H6PD: variants seen among roughly 807,000 people sequenced by gnomAD.
H6PD encodes hexose-6-phosphate dehydrogenase/glucose 1-dehydrogenase.
In H6PD, 48 loss-of-function variants were observed where a neutral mutation model predicts 61.2. The observed-to-expected ratio is 0.78, with a 90% CI of 0.62 to 1.00. H6PD has a LOEUF of 1.00. Among genes scored for constraint, H6PD ranks in the 50% least tolerant of loss-of-function variants. H6PD has a pLI of 0.00. For synonymous variants in H6PD, 480 were observed against 457.9 expected, an observed-to-expected ratio of 1.05 and a Z score of -0.62; for missense variants, 1,093 against 1,065.0, an observed-to-expected ratio of 1.03 and a Z score of -0.37.
At chr1:9,256,280 CA>C in intron 3 of H6PD, among the ~76,000 whole-genome samples, 1 of 152,286 alleles carries the variant, frequency 6.6e-6, no homozygotes, top group Middle Eastern at 3.4e-3. Flanking sequence ...CAGTGGAGAC[CA>C]CTCTTGGCAT....
chr1:9,256,536 G>A (rs1373876664), intron 3 of H6PD, among the ~76,000 whole-genome samples: 1 of 152,196 alleles, frequency 6.6e-6, no homozygotes, highest in Non-Finnish European at 1.5e-5. Context: ...TGGTTGGCCC[G>A]AGAGTGCACA....
chr1:9,237,559 G>A (rs1475574936), intron 1 of H6PD, among the ~76,000 whole-genome samples: 1 of 152,126 alleles, frequency 6.6e-6, no homozygotes, highest in Non-Finnish European at 1.5e-5. Flanking sequence ...CTTTGCCTTA[G>A]TTTCCTCTCT....
chr1:9,253,449 G>A (rs189514128), intron 3 of H6PD, among the ~76,000 whole-genome samples: 7 of 152,316 alleles, frequency 4.6e-5, no homozygotes, highest in Admixed American at 3.3e-4. Context: ...CTTTAAGTAT[G>A]CTGTTGACAT....
Position 9,264,019 on chromosome 1 carries a change from G to A in H6PD, c.1526G>A (p.Arg509His), listed in dbSNP as rs142705829. The change falls in exon 5 of 5, where the codon CGT (arginine) becomes CAT (histidine). Residue 509 changes from arginine to histidine, a missense_variant. Coordinates refer to ENST00000377403, the MANE Select transcript of H6PD (RefSeq NM_004285.4). ...RLYPGGAENGRLLDFEFSSGR... is the reference protein window; with the variant it reads ...RLYPGGAENGHLLDFEFSSGR... The stretch of plus-strand genomic sequence containing the variant: ...TACCCTGGAGGAGCTGAGAATGGCC[G>A]TCTGTTGGACTTTGAGTTCAGTAGC... The A allele has an allele frequency of 8.7e-5, 140 of 1,614,090 alleles. 2 individuals are homozygous for A. Among genetic ancestry groups the A allele is most frequent in the African/African-American group, 7.2e-4 (54 of 74,938 alleles).
At chr1:9,258,709 T>TTGTTACACCGGTGTTGTTATGTTGCTGC in intron 3 of H6PD, among the ~76,000 whole-genome samples, 1 of 152,168 alleles carries the variant, frequency 6.6e-6, no homozygotes, top group Non-Finnish European at 1.5e-5. Context: ...TGTTATGTTG[T>TTGTTACACCGGTGTTGTTATGTTGCTGC]TGTTACACCG....
At position 9,261,740 on chromosome 1, in the gene H6PD, C is replaced by T. The variant is rs574798759; in HGVS notation, c.746-319C>T. 8.0e-3 allele frequency among the ~76,000 whole-genome samples: 1,214 copies of T among 152,338 alleles called. 13 individuals carry two copies. The highest frequency in any genetic ancestry group is 0.026 in the African/African-American group (1,069 of 41,574). On this transcript the variant is annotated intron_variant, in intron 3 of 4. Transcript: ENST00000377403. Reference sequence around the variant, plus strand: ...CTGGCAGTGGCCAGGCAGGGCGGGGCGAGGGGCTGGCCAGTATCTACAGAG... The same window carrying T: ...CTGGCAGTGGCCAGGCAGGGCGGGGTGAGGGGCTGGCCAGTATCTACAGAG...
Position 9,264,912 on chromosome 1 carries a change from T to C in H6PD, c.*43T>C. On this transcript the variant is annotated 3_prime_UTR_variant, in exon 5 of 5. Coordinates refer to ENST00000377403, the MANE Select transcript of H6PD (RefSeq NM_004285.4). ...GCCCGCTTCGCTCCTGTGCTTTCCT[T>C]CGCCCGTGTCTTCCCTCCCTTCTCG... 1 of 1,602,950 alleles carries C rather than the reference T, an allele frequency of 6.2e-7. No individual in the cohort carries two copies. The highest frequency in any genetic ancestry group is 1.3e-5 in the African/African-American group (1 of 74,904).
At position 9,263,734 on chromosome 1, in the gene H6PD, T is replaced by G. The variant is rs767402836; in HGVS notation, c.1241T>G (p.Val414Gly). Residue 414 changes from valine to glycine, a missense_variant, in exon 5 of 5, where the codon GTC (valine) becomes GGC (glycine). Transcript: ENST00000377403. Reference protein sequence around the residue: ...HGDLGSPAVLVSRNLFRPSLP... With the variant: ...HGDLGSPAVLGSRNLFRPSLP... ...GACCTGGGCAGCCCTGCCGTGCTGG[T>G]CAGCAGGAACCTGTTCAGGCCCTCC... is the stretch of plus-strand genomic sequence containing the variant. 8.6e-5 allele frequency: 139 copies of G among 1,613,840 alleles called. 1 individual carries two copies. Among genetic ancestry groups the G allele is most frequent in the Non-Finnish European group, 1.1e-4 (132 of 1,179,976 alleles).
At chr1:9,248,838 CA>C (rs1280917348) in intron 3 of H6PD, among the ~76,000 whole-genome samples, 1 of 152,220 alleles carries the variant, frequency 6.6e-6, no homozygotes, top group East Asian at 1.9e-4. Flanking sequence ...TCATGGGTCT[CA>C]GGGAATCGTC....
chr1:9,245,067 G>A lies in H6PD; in HGVS notation c.133G>A (p.Gly45Arg), dbSNP rs199815320. ...GDLAKKYLWQ[G>R]LFQLYLDEAG... ...CCTGGCTAAGAAGTACTTATGGCAG[G>A]GACTGTTCCAGCTGTACCTGGATGA... The change falls in exon 2 of 5, where the codon GGA becomes AGA. Residue 45 changes from glycine to arginine, a missense_variant. Transcript: ENST00000377403. This position sits in a 1 kb window ranked among gnomAD's most constrained non-coding sequence, Gnocchi z 4.8. The A allele has an allele frequency of 1.0e-4, 169 of 1,614,070 alleles. No individual in the cohort carries two copies. The highest frequency in any genetic ancestry group is 1.4e-4 in the Non-Finnish European group (162 of 1,180,040).
intron 1 of H6PD, among the ~76,000 whole-genome samples, chr1:9,237,424 G>A (rs902656510): frequency 6.6e-6 from 1 of 151,674 alleles, no homozygotes; most frequent in African/African-American, 2.4e-5. Context: ...GTAGAGACGG[G>A]GTTTCACCGT....
rs756597678 is a variant in H6PD, at chr1:9,264,576, G to T, written c.2083G>T (p.Ala695Ser). 6.2e-7 allele frequency: 1 copy of T among 1,613,314 alleles called. No homozygotes were observed. ...SFDLVLLGMGADGHTASLFPQ... is the reference protein window; with the variant it reads ...SFDLVLLGMGSDGHTASLFPQ... ...CGACCTGGTGCTGCTGGGCATGGGTGCCGACGGGCACACAGCCTCCCTCTT... is the reference window on the plus strand; with the variant it reads ...CGACCTGGTGCTGCTGGGCATGGGTTCCGACGGGCACACAGCCTCCCTCTT... The change falls in exon 5 of 5, where the codon GCC (alanine) becomes TCC (serine). Residue 695 changes from alanine to serine, a missense_variant. Coordinates refer to ENST00000377403, the MANE Select transcript of H6PD (RefSeq NM_004285.4).
intron 3 of H6PD, among the ~76,000 whole-genome samples, chr1:9,256,082 G>C (rs1285733471): frequency 6.6e-6 from 1 of 152,142 alleles, no homozygotes; most frequent in African/African-American, 2.4e-5. Flanking sequence ...TGAACTTCAG[G>C]TTCCTTATAT....
Position 9,245,411 on chromosome 1 carries a change from CTG to C in H6PD, c.478_479del (p.Cys160ProfsTer13). 3 of 1,614,142 alleles carry C rather than the reference CTG, an allele frequency of 1.9e-6. No individual in the cohort carries two copies. Among genetic ancestry groups the C allele is most frequent in the Non-Finnish European group, 2.5e-6 (3 of 1,180,002 alleles). On this transcript the variant is annotated frameshift_variant, in exon 2 of 5. Transcript: ENST00000377403. LOFTEE classifies it high-confidence loss of function. This position sits in a 1 kb window ranked among gnomAD's most constrained non-coding sequence, Gnocchi z 4.8. ...EDIARNINSS[C>X]RPGPGAWLRV... The stretch of plus-strand genomic sequence containing the variant: ...ACATTGCCCGCAACATCAACAGTAG[CTG>C]CCGGCCAGGCCCGGGCGCCTGGCTG...
At chr1:9,252,870 T>G (rs1184706364) in intron 3 of H6PD, among the ~76,000 whole-genome samples, 1 of 152,090 alleles carries the variant, frequency 6.6e-6, no homozygotes, top group African/African-American at 2.4e-5. Context: ...TGTGCACAGG[T>G]GGGAGCCAAG....
intron 3 of H6PD, among the ~76,000 whole-genome samples, chr1:9,255,557 C>T (rs1641491600): frequency 6.6e-6 from 1 of 152,190 alleles, no homozygotes; most frequent in African/African-American, 2.4e-5. Flanking sequence ...GCTGGGATTA[C>T]AAGCATAAGC....
rs1217831818 is a variant in H6PD at position 9,263,974 on chromosome 1, C to T, written c.1481C>T (p.Ala494Val). 3.1e-6 allele frequency: 5 copies of T among 1,614,194 alleles called. No homozygotes were observed. In the East Asian group the frequency reaches 6.7e-5, roughly 22 times the overall value. The change falls in exon 5 of 5, where the codon GCC (alanine) becomes GTC (valine). Residue 494 changes from alanine (A) to valine (V), a missense_variant. Coordinates refer to ENST00000377403, the MANE Select transcript of H6PD (RefSeq NM_004285.4). Reference protein sequence around the residue: ...NFWTPLLESLAHKAPRLYPGG... With the variant: ...NFWTPLLESLVHKAPRLYPGG... ...TGGACCCCTCTGCTGGAGAGCCTGGCCCATAAGGCCCCACGCCTCTACCCT... is the reference window on the plus strand; with the variant it reads ...TGGACCCCTCTGCTGGAGAGCCTGGTCCATAAGGCCCCACGCCTCTACCCT...
chr1:9,262,046 C>T lies in H6PD; in HGVS notation c.746-13C>T. The T allele has an allele frequency of 6.2e-7, 1 of 1,614,078 alleles. No individual in the cohort carries two copies. Among genetic ancestry groups the T allele is most frequent in the Non-Finnish European group, 8.5e-7 (1 of 1,179,898 alleles). On this transcript the variant is annotated splice_polypyrimidine_tract_variant and intron_variant, in intron 3 of 4. Coordinates refer to ENST00000377403, the MANE Select transcript of H6PD (RefSeq NM_004285.4). ...CTTTAGATCCTCCCCACTTCTCCAC[C>T]TCCCTCCACCAGGCCGCACCAGCTT...
At chr1:9,257,938 A>G (rs541088592) in intron 3 of H6PD, among the ~76,000 whole-genome samples, 1 of 152,378 alleles carries the variant, frequency 6.6e-6, no homozygotes, top group South Asian at 2.1e-4. Context: ...TGTCCTGTAT[A>G]TTCGAGTCAC....
Sources: gnomAD v4.1 joint callset for allele counts (sites outside exome capture counted in the v4.1 genomes callset) on GRCh38, gnomAD v4.1.1 for gene constraint, Gnocchi (gnomAD v3.1) non-coding constraint, MANE v1.5 for transcripts, NCBI Gene and HGNC (gene_info 2026-07-23, HGNC 2026-07-21) for gene names.